APOLD1: variants seen among roughly 807,000 people sequenced by gnomAD.
APOLD1 encodes apolipoprotein L domain-containing protein 1.
Under a neutral mutation model 15.3 loss-of-function variants are expected in APOLD1, and 22 were observed. The ratio of observed to expected loss-of-function variants is 1.44; its 90% CI spans 1.03 to 2.05. The LOEUF (loss-of-function observed/expected upper bound fraction) is 2.05. Ranked by LOEUF, APOLD1 falls within the 30% of genes most tolerant of loss-of-function variation. The probability of loss-of-function intolerance (pLI) is 0.00; values close to 1 mark genes in which losing one functional copy is unlikely to be tolerated. For synonymous variants in APOLD1, 190 were observed against 167.4 expected, an observed-to-expected ratio of 1.13 and a Z score of -1.04; for missense variants, 394 against 353.5, an observed-to-expected ratio of 1.11 and a Z score of -0.92.
intron 1 of APOLD1, among the ~76,000 whole-genome samples, chr12:12,735,675 G>A (rs1006250705): frequency 4.6e-5 from 7 of 152,198 alleles, no homozygotes; most frequent in African/African-American, 1.7e-4. Flanking sequence ...TGCAATCTCA[G>A]TGCTTTGGGA....
chr12:12,776,092 G>A (rs993856790), intron 1 of APOLD1, among the ~76,000 whole-genome samples: 3 of 151,280 alleles, frequency 2.0e-5, no homozygotes, highest in Admixed American at 1.3e-4. Flanking sequence ...CCAACTTTCA[G>A]GGTGTTAGAA....
chr12:12,759,581 G>T (rs963505112), intron 1 of APOLD1, among the ~76,000 whole-genome samples: 1 of 152,116 alleles, frequency 6.6e-6, no homozygotes, highest in Non-Finnish European at 1.5e-5. Flanking sequence ...TGCTGCTGCC[G>T]GCATTTATCG....
intron 1 of APOLD1, chr12:12,786,624 T>C: frequency 1.0e-6 from 1 of 982,190 alleles, no homozygotes; most frequent in Non-Finnish European, 1.2e-6. Context: ...ACATAGCTGA[T>C]GAAGCCCATC....
At chr12:12,746,290 GT>G (rs1946764148) in intron 1 of APOLD1, among the ~76,000 whole-genome samples, 1 of 152,228 alleles carries the variant, frequency 6.6e-6, no homozygotes, top group South Asian at 2.1e-4. Context: ...GAGGTCAGGA[GT>G]TCGAGACCAA....
intron 1 of APOLD1, among the ~76,000 whole-genome samples, chr12:12,778,582 C>T (rs1384664198): frequency 6.6e-6 from 1 of 151,170 alleles, no homozygotes; most frequent in East Asian, 2.0e-4. Context: ...CCTGCCTCGG[C>T]CCCCCAAAGT....
intron 1 of APOLD1, among the ~76,000 whole-genome samples, chr12:12,740,412 C>T (rs777462424): frequency 1.3e-5 from 2 of 152,190 alleles, no homozygotes; most frequent in Non-Finnish European, 2.9e-5. Context: ...CCACTGTACC[C>T]GGCCCTCAGA....
upstream of APOLD1, chr12:12,785,555 G>C (rs867691600): frequency 8.0e-6 from 12 of 1,497,048 alleles, no homozygotes; most frequent in African/African-American, 1.5e-4. Flanking sequence ...AAGGCAGCAG[G>C]GGTCATGACA....
chr12:12,772,662 A>G (rs562163037), intron 1 of APOLD1, among the ~76,000 whole-genome samples: 7 of 152,338 alleles, frequency 4.6e-5, no homozygotes, highest in Non-Finnish European at 1.0e-4. Flanking sequence ...AGATGACTTT[A>G]TTAAACAGTA....
intron 1 of APOLD1, among the ~76,000 whole-genome samples, chr12:12,756,708 C>T (rs1946859717): frequency 6.6e-6 from 1 of 152,176 alleles, no homozygotes; most frequent in South Asian, 2.1e-4. Context: ...CTCTATTCTA[C>T]TTTCTGTCTC....
At chr12:12,776,003 C>CAAAAAAAAAAAAAAAAAAA (rs34623976) in intron 1 of APOLD1, among the ~76,000 whole-genome samples, 1 of 62,184 alleles carries the variant, frequency 1.6e-5, no homozygotes, top group African/African-American at 6.4e-5. Context: ...GACCCAGTCT[C>CAAAAAAAAAAAAAAAAAAA]AAAAAAAAAA....
intron 1 of APOLD1, among the ~76,000 whole-genome samples, chr12:12,779,050 CT>C (rs1399419420): frequency 6.6e-6 from 1 of 152,174 alleles, no homozygotes; most frequent in African/African-American, 2.4e-5. Context: ...TTCAGCAACA[CT>C]AAACACCCTG....
intron 1 of APOLD1, among the ~76,000 whole-genome samples, chr12:12,735,244 A>G (rs1432583062): frequency 1.3e-5 from 2 of 151,902 alleles, no homozygotes; most frequent in Admixed American, 6.6e-5. Flanking sequence ...CAAACAAACA[A>G]AATAAAAAAT....
chr12:12,774,208 T>C (rs1168874652), intron 1 of APOLD1, among the ~76,000 whole-genome samples: 1 of 152,082 alleles, frequency 6.6e-6, no homozygotes, highest in Non-Finnish European at 1.5e-5. Context: ...AAAGGACTGT[T>C]ATCCAAAATA....
chr12:12,750,396 G>GAAAAAAAAA (rs1946803358), intron 1 of APOLD1, among the ~76,000 whole-genome samples: 1 of 107,078 alleles, frequency 9.3e-6, no homozygotes, highest in Non-Finnish European at 2.1e-5. Context: ...AAAAAAAAAG[G>GAAAAAAAAA]AAATTGGGGA....
At chr12:12,744,619 G>C (rs1359217460) in intron 1 of APOLD1, among the ~76,000 whole-genome samples, 3 of 152,124 alleles carry the variant, frequency 2.0e-5, no homozygotes, top group African/African-American at 7.2e-5. Flanking sequence ...TGATTTCTCA[G>C]CTCTCAACTC....
chr12:12,774,268 G>A (rs1264646566), intron 1 of APOLD1, among the ~76,000 whole-genome samples: 1 of 151,986 alleles, frequency 6.6e-6, no homozygotes, highest in Admixed American at 6.6e-5. Context: ...AACCTGGACG[G>A]GTGTGGTGGC....
rs1303199237 is a variant in APOLD1, at chr12:12,787,482, G to A, written c.577G>A (p.Ala193Thr). The A allele has an allele frequency of 1.9e-6, 3 of 1,614,170 alleles. No homozygotes were observed. The East Asian group carries it at 6.7e-5, about 36-fold the overall frequency. ...RAEGDTKVSQAVLKAKIQKLA... is the reference protein window; with the variant it reads ...RAEGDTKVSQTVLKAKIQKLA... ...GGAGGGGGACACCAAGGTTAGCCAG[G>A]CCGTGCTGAAGGCCAAGATTCAGAA... is the stretch of plus-strand genomic sequence containing the variant. Residue 193 changes from alanine to threonine, a missense_variant, in exon 2 of 2, where the codon GCC (alanine) becomes ACC (threonine). Ala to Thr is a moderately conservative substitution (Grantham distance 58). Coordinates refer to ENST00000356591, the MANE Select transcript of APOLD1 (RefSeq NM_030817.3). The surrounding 1 kb of genome is among the most constrained non-coding windows in gnomAD (Gnocchi z 4.9).
intron 1 of APOLD1, among the ~76,000 whole-genome samples, chr12:12,745,222 T>C (rs1565428358): frequency 1.3e-5 from 2 of 151,916 alleles, no homozygotes; most frequent in Non-Finnish European, 2.9e-5. Flanking sequence ...AATGAGGAGA[T>C]ATTTGAAAGA....
chr12:12,763,203 G>A (rs1402004529), intron 1 of APOLD1, among the ~76,000 whole-genome samples: 2 of 152,162 alleles, frequency 1.3e-5, no homozygotes, highest in African/African-American at 4.8e-5. Context: ...ATATATGTGT[G>A]CATTGTGAGA....
Sources: allele counts gnomAD v4.1 joint callset (sites outside exome capture counted in the v4.1 genomes callset), GRCh38; gene constraint gnomAD v4.1.1; non-coding constraint Gnocchi (gnomAD v3.1); transcripts MANE v1.5; gene names NCBI Gene and HGNC (gene_info 2026-07-23, HGNC 2026-07-21).